MALRD1: variants seen among roughly 807,000 people sequenced by gnomAD.
The protein encoded by MALRD1 is MAM and LDL-receptor class A domain-containing protein 1.
A neutral mutation model predicts 242.1 loss-of-function variants in MALRD1; 247 were observed. The ratio of observed to expected loss-of-function variants is 1.02; its 90% confidence interval spans 0.92 to 1.13. The LOEUF is 1.13. Among genes scored for constraint, MALRD1 ranks in the 50% most tolerant of loss-of-function variants. The pLI is 0.00. For synonymous variants in MALRD1, 995 were observed against 866.6 expected, an observed-to-expected ratio of 1.15 and a Z score of -2.60; for missense variants, 2,989 against 2,533.1, an observed-to-expected ratio of 1.18 and a Z score of -3.86.
chr10:19,564,945 A>G (rs1458808884), intron 32 of MALRD1, among the ~76,000 whole-genome samples: 2 of 152,160 alleles, frequency 1.3e-5, no homozygotes, highest in African/African-American at 4.8e-5. Context: ...ATGAGTTCCT[A>G]AGTAATACTC....
intron 2 of MALRD1, among the ~76,000 whole-genome samples, chr10:19,080,656 A>G (rs1292802223): frequency 1.3e-5 from 2 of 152,100 alleles, no homozygotes; most frequent in Admixed American, 6.6e-5. Context: ...ACCTAAAACT[A>G]TAAACATTCT....
At chr10:19,352,734 A>G (rs1844445751) in intron 26 of MALRD1, among the ~76,000 whole-genome samples, 1 of 152,192 alleles carries the variant, frequency 6.6e-6, no homozygotes, top group Non-Finnish European at 1.5e-5. Context: ...CCAATTTGAT[A>G]TTGAAACAAA....
chr10:19,165,977 C>T (rs1405253529), intron 13 of MALRD1, among the ~76,000 whole-genome samples, 167 bp downstream of exon 13: 1 of 151,872 alleles, frequency 6.6e-6, no homozygotes, highest in African/African-American at 2.4e-5. Context: ...TTTCAGATAA[C>T]AAAATAACAC....
At chr10:19,296,731 A>G (rs950582860) in intron 21 of MALRD1, among the ~76,000 whole-genome samples, 12 of 151,342 alleles carry the variant, frequency 7.9e-5, no homozygotes, top group Admixed American at 4.6e-4. Flanking sequence ...TTTGTTATAT[A>G]AAATAGTCTG....
At chr10:19,348,128 T>G in intron 25 of MALRD1, 110 bp downstream of exon 25, 4 of 1,364,734 alleles carry the variant, frequency 2.9e-6, no homozygotes, top group Non-Finnish European at 3.9e-6. Context: ...AAAGATGAGT[T>G]TGAATTTATT....
At chr10:19,444,502 G>A (rs981028376) in intron 28 of MALRD1, among the ~76,000 whole-genome samples, 30 of 152,056 alleles carry the variant, frequency 2.0e-4, no homozygotes, top group Admixed American at 5.9e-4. Flanking sequence ...AGGCAGGCTT[G>A]GTGGTGACAA....
At chr10:19,228,977 A>G (rs1300923329) in intron 18 of MALRD1, among the ~76,000 whole-genome samples, 1 of 90,318 alleles carries the variant, frequency 1.1e-5, no homozygotes, top group East Asian at 3.5e-4. Flanking sequence ...TGGGGAATGC[A>G]TGTGGTGTGT....
At chr10:19,666,953 G>A (rs1841706472) in intron 36 of MALRD1, among the ~76,000 whole-genome samples, 1 of 152,138 alleles carries the variant, frequency 6.6e-6, no homozygotes, top group African/African-American at 2.4e-5. Flanking sequence ...AGGAGCAAAT[G>A]CATTCACTTT....
chr10:19,240,593 C>G (rs1838719282), intron 18 of MALRD1, among the ~76,000 whole-genome samples: 1 of 152,004 alleles, frequency 6.6e-6, no homozygotes, highest in South Asian at 2.1e-4. Context: ...GCTCTGACCT[C>G]CAGTACTATG....
intron 28 of MALRD1, among the ~76,000 whole-genome samples, chr10:19,435,826 A>G (rs994224486): frequency 2.0e-5 from 3 of 152,030 alleles, no homozygotes; most frequent in African/African-American, 7.2e-5. Flanking sequence ...ATCATGGTCC[A>G]CCTCCGTAAG....
intron 36 of MALRD1, among the ~76,000 whole-genome samples, chr10:19,621,037 C>G (rs1183738436): frequency 6.7e-6 from 1 of 150,254 alleles, no homozygotes; most frequent in African/African-American, 2.4e-5. Context: ...TTCCATTTTA[C>G]TACAATGACA....
At position 19,730,723 on chromosome 10, in the gene MALRD1, G is replaced by A. The variant is rs964872419; in HGVS notation, c.6332G>A (p.Gly2111Asp). 1.2e-5 allele frequency: 19 copies of A among 1,536,500 alleles called. No homozygotes were observed. In the African/African-American group the frequency reaches 2.6e-4, roughly 21 times the overall value. Residue 2111 changes from glycine to aspartate, a missense_variant, in exon 39 of 40, where the codon GGT (glycine) becomes GAT (aspartate). Coordinates refer to ENST00000454679, the MANE Select transcript of MALRD1 (RefSeq NM_001142308.3). ...KVPIRKTEGS[G>D]NCAFVNPVYG... ...GCTTTAAGGAAAACCGAGGGAAGTGGTAACTGTGCCTTTGTCAATCCAGTT... is the reference window on the plus strand; with the variant it reads ...GCTTTAAGGAAAACCGAGGGAAGTGATAACTGTGCCTTTGTCAATCCAGTT...
intron 38 of MALRD1, among the ~76,000 whole-genome samples, chr10:19,713,015 T>TA (rs1350505203): frequency 2.1e-5 from 3 of 146,296 alleles, no homozygotes; most frequent in Non-Finnish European, 4.5e-5. Context: ...TAAAATATAA[T>TA]AAAAATAATT....
intron 28 of MALRD1, among the ~76,000 whole-genome samples, chr10:19,440,504 C>T (rs962120391): frequency 6.6e-6 from 1 of 152,104 alleles, no homozygotes; most frequent in Non-Finnish European, 1.5e-5. Context: ...CGCAACAACC[C>T]CACAACAGGA....
At chr10:19,599,846 A>C (rs778291672) in intron 34 of MALRD1, among the ~76,000 whole-genome samples, 39 of 152,274 alleles carry the variant, frequency 2.6e-4, no homozygotes, top group Non-Finnish European at 4.4e-4. Flanking sequence ...CTGATCTCAA[A>C]GAGTCTCTTC....
intron 36 of MALRD1, among the ~76,000 whole-genome samples, chr10:19,689,641 A>G (rs981673343): frequency 2.0e-5 from 3 of 152,204 alleles, no homozygotes; most frequent in Admixed American, 2.0e-4. Context: ...AAATTATCTT[A>G]TACAACGATA....
chr10:19,429,973 T>A (rs972768448), intron 28 of MALRD1, among the ~76,000 whole-genome samples: 3 of 152,138 alleles, frequency 2.0e-5, no homozygotes, highest in Admixed American at 2.0e-4. Context: ...TCATTACTTC[T>A]TAAGGTCTTT....
intron 26 of MALRD1, among the ~76,000 whole-genome samples, chr10:19,365,280 G>T (rs975786617): frequency 6.6e-6 from 1 of 151,960 alleles, no homozygotes; most frequent in African/African-American, 2.4e-5. Flanking sequence ...CTAACTCTAA[G>T]AAATGCTTTT....
intron 18 of MALRD1, 114 bp from the exon 19 acceptor site, chr10:19,257,570 C>G: frequency 2.5e-6 from 2 of 811,134 alleles, no homozygotes. Context: ...TTTTTAATGG[C>G]ACAGAAGGTT....
Sources: gnomAD v4.1 joint callset for allele counts (sites outside exome capture counted in the v4.1 genomes callset) on GRCh38, gnomAD v4.1.1 for gene constraint, MANE v1.5 for transcripts, NCBI Gene and HGNC (gene_info 2026-07-23, HGNC 2026-07-21) for gene names.